JAK2: variants seen among roughly 807,000 people sequenced by gnomAD.
The protein encoded by JAK2 is Janus kinase 2, also known as tyrosine-protein kinase JAK2.
JAK2 carries 86 observed loss-of-function variants against 139.3 expected under a neutral mutation model. That is an observed-to-expected ratio of 0.62 (90% confidence interval 0.52 to 0.74). JAK2 has a LOEUF of 0.74. Ranked by LOEUF, JAK2 falls within the 30% of genes least tolerant of loss-of-function variation. The pLI is 0.00. For synonymous variants in JAK2, 490 were observed against 437.7 expected, an observed-to-expected ratio of 1.12 and a Z score of -1.49; for missense variants, 1,421 against 1,360.3, an observed-to-expected ratio of 1.04 and a Z score of -0.70.
chr9:5,112,370 G>A lies in JAK2; in HGVS notation c.3060-10634G>A, dbSNP rs141384898. On this transcript the variant is annotated intron_variant, in intron 22 of 24. Coordinates refer to ENST00000381652, the MANE Select transcript of JAK2 (RefSeq NM_004972.4). ...CGACTCCTGCAGTGGGCTAGGGCGA[G>A]CAGGCCACTGGGGAAATCAAGCGGG... 412 of 400,090 alleles carry A rather than the reference G, an allele frequency of 1.0e-3. 1 individual carries two copies. Among genetic ancestry groups the A allele is most frequent in the African/African-American group, 8.3e-3 (396 of 47,634 alleles). 24.8% of individuals were successfully genotyped at this position (400,090 alleles called of 1,614,324 possible). A position where few individuals can be genotyped will look rare whatever the true frequency, so the allele number is the denominator to read the frequency against.
intron 7 of JAK2, 139 bp from the exon 8 acceptor site, chr9:5,055,530 C>A (rs1817701367): frequency 2.8e-5 from 17 of 598,880 alleles, no homozygotes; most frequent in Non-Finnish European, 4.4e-5. Context: ...TAGAGTAAAT[C>A]ACGTTTAATG....
chr9:5,005,108 T>TAGG, intron 2 of JAK2, among the ~76,000 whole-genome samples: 2 of 113,344 alleles, frequency 1.8e-5, no homozygotes, highest in Non-Finnish European at 3.7e-5. Context: ...TTTTTTTTTT[T>TAGG]TTTTTTTTTT....
chr9:5,096,846 C>G (rs1224891022), intron 22 of JAK2: 1 of 152,102 alleles, frequency 6.6e-6, no homozygotes, highest in Admixed American at 6.5e-5. Context: ...TGTTACCGCC[C>G]ACGAATTTGT....
At chr9:4,995,462 C>CT (rs1241834631) in intron 2 of JAK2, among the ~76,000 whole-genome samples, 1 of 152,194 alleles carries the variant, frequency 6.6e-6, no homozygotes, top group African/African-American at 2.4e-5. Flanking sequence ...TGGGACGCAA[C>CT]TTTTTTCCCC....
chr9:5,106,407 GAGA>G (rs1435675753), intron 22 of JAK2, among the ~76,000 whole-genome samples: 1 of 152,228 alleles, frequency 6.6e-6, no homozygotes, highest in African/African-American at 2.4e-5. Context: ...ACAGATGCTG[GAGA>G]AGATGTGGCG....
intron 7 of JAK2, 119 bp downstream of exon 7, chr9:5,055,003 A>C (rs758018423): frequency 1.5e-6 from 1 of 682,660 alleles, no homozygotes; most frequent in Non-Finnish European, 2.4e-6. Flanking sequence ...TAGAAGTGGA[A>C]GTTTTTAATA....
chr9:5,060,525 C>T (rs1818093306), intron 8 of JAK2, among the ~76,000 whole-genome samples: 1 of 152,192 alleles, frequency 6.6e-6, no homozygotes, highest in South Asian at 2.1e-4. Flanking sequence ...TCTCAAGAAA[C>T]CATTTTTTTA....
intron 8 of JAK2, among the ~76,000 whole-genome samples, chr9:5,060,109 G>A (rs984834140): frequency 1.3e-5 from 2 of 152,124 alleles, no homozygotes; most frequent in Admixed American, 1.3e-4. Context: ...TACTAAGTGT[G>A]CAACAGCATT....
chr9:5,048,756 AT>A (rs1445010577), intron 5 of JAK2, among the ~76,000 whole-genome samples: 2 of 152,184 alleles, frequency 1.3e-5, no homozygotes, highest in Non-Finnish European at 2.9e-5. Flanking sequence ...TTTTAATAAA[AT>A]TAGTTTAAAA....
chr9:5,005,793 C>T (rs1361154112), intron 2 of JAK2, among the ~76,000 whole-genome samples: 2 of 152,124 alleles, frequency 1.3e-5, no homozygotes, highest in African/African-American at 4.8e-5. Flanking sequence ...ATTACATTTT[C>T]TATGTGGAAA....
chr9:5,013,614 T>C (rs1034054317), intron 2 of JAK2, among the ~76,000 whole-genome samples: 1 of 152,196 alleles, frequency 6.6e-6, no homozygotes, highest in Admixed American at 6.5e-5. Flanking sequence ...TTTTGCATGC[T>C]TTTCTCCCTG....
intron 5 of JAK2, among the ~76,000 whole-genome samples, chr9:5,046,352 C>G (rs1263826427): frequency 6.6e-6 from 1 of 152,076 alleles, no homozygotes; most frequent in Non-Finnish European, 1.5e-5. Context: ...TTCCCATTCT[C>G]TAGGTTGCCT....
At chr9:5,090,353 A>G (rs1340347276) in intron 20 of JAK2, 93 bp from the exon 21 acceptor site, 8 of 915,434 alleles carry the variant, frequency 8.7e-6, no homozygotes, top group Non-Finnish European at 1.1e-5. Context: ...TAGATTTCAT[A>G]TATGTTTAAG....
At chr9:5,109,175 T>G (rs1822230299) in intron 22 of JAK2, 1 of 152,172 alleles carries the variant, frequency 6.6e-6, no homozygotes, top group African/African-American at 2.4e-5. Flanking sequence ...GAGGGACACT[T>G]ACATATTACA....
At chr9:5,060,146 T>G (rs193090138) in intron 8 of JAK2, among the ~76,000 whole-genome samples, 7 of 152,316 alleles carry the variant, frequency 4.6e-5, no homozygotes, top group Non-Finnish European at 7.4e-5. Flanking sequence ...TTTAAAACAC[T>G]TTATTGCTAA....
chr9:5,107,477 C>T (rs911754170), intron 22 of JAK2, among the ~76,000 whole-genome samples: 26 of 152,182 alleles, frequency 1.7e-4, no homozygotes, highest in South Asian at 1.0e-3. Flanking sequence ...AATTACCTAA[C>T]AACAATAATC....
intron 20 of JAK2, 95 bp from the exon 21 acceptor site, chr9:5,090,351 A>G (rs1820481789): frequency 1.1e-6 from 1 of 902,398 alleles, no homozygotes; most frequent in East Asian, 3.0e-5. Flanking sequence ...CTTAGATTTC[A>G]TATATGTTTA....
chr9:5,024,212 C>T (rs772951996), intron 3 of JAK2, among the ~76,000 whole-genome samples: 74 of 152,182 alleles, frequency 4.9e-4, no homozygotes, highest in Non-Finnish European at 8.1e-4. Flanking sequence ...GCCGAGATTG[C>T]GCCACTGCAC....
intron 22 of JAK2, chr9:5,109,984 A>T (rs1039232802): frequency 6.6e-6 from 1 of 152,220 alleles, no homozygotes; most frequent in Non-Finnish European, 1.5e-5. Context: ...GCAGTCCTGC[A>T]CAATCGCATC....
Sources: gnomAD v4.1 joint callset for allele counts (sites outside exome capture counted in the v4.1 genomes callset) on GRCh38, gnomAD v4.1.1 for gene constraint, MANE v1.5 for transcripts, NCBI Gene and HGNC (gene_info 2026-07-23, HGNC 2026-07-21) for gene names.